ALMS1: variants seen among roughly 807,000 people sequenced by gnomAD.
ALMS1 encodes the protein ALMS1 centrosome and basal body associated protein.
In ALMS1, 271 loss-of-function variants were observed where a neutral mutation model predicts 352.2. The observed-to-expected ratio is 0.77, with a 90% CI of 0.70 to 0.85. The LOEUF is 0.85. Among genes scored for constraint, ALMS1 ranks in the 40% least tolerant of loss-of-function variants. The pLI is 0.00. For missense variants in ALMS1, 5,445 were observed against 4,870.7 expected (o/e 1.12, Z -3.51); for synonymous variants, 1,865 against 1,761.2 (o/e 1.06, Z -1.48).
intron 11 of ALMS1, among the ~76,000 whole-genome samples, chr2:73,530,691 A>C (rs1371815518): frequency 6.6e-6 from 1 of 152,224 alleles, no homozygotes; most frequent in African/African-American, 2.4e-5. Flanking sequence ...CCCTAGTAGA[A>C]GTTCTCCATG....
At chr2:73,505,639 T>C (rs1019112204) in intron 10 of ALMS1, among the ~76,000 whole-genome samples, 2 of 152,214 alleles carry the variant, frequency 1.3e-5, no homozygotes, top group African/African-American at 4.8e-5. Context: ...TCCTTGATTT[T>C]TGTTCTTTTG....
At chr2:73,568,175 A>G (rs967866669) in intron 15 of ALMS1, among the ~76,000 whole-genome samples, 9 of 152,192 alleles carry the variant, frequency 5.9e-5, no homozygotes, top group Non-Finnish European at 1.3e-4. Context: ...ACCTGTCACA[A>G]TAGCACAGAT....
chr2:73,597,466 ACC>A (rs1364581753), intron 16 of ALMS1, among the ~76,000 whole-genome samples: 1 of 152,174 alleles, frequency 6.6e-6, no homozygotes, highest in Non-Finnish European at 1.5e-5. Flanking sequence ...CTTTTTTAGT[ACC>A]TAACATGCTT....
chr2:73,608,422 T>C, intron 21 of ALMS1, 53 bp from the exon 22 acceptor site: 1 of 1,413,906 alleles, frequency 7.1e-7, no homozygotes. Context: ...CTCATGACTC[T>C]GCACCCTGGT....
At chr2:73,520,944 C>A (rs1673662507) in intron 11 of ALMS1, among the ~76,000 whole-genome samples, 1 of 152,058 alleles carries the variant, frequency 6.6e-6, no homozygotes, top group Non-Finnish European at 1.5e-5. Flanking sequence ...CTATTTTGGA[C>A]AAGTCTACTC....
chr2:73,386,458 C>T (rs1670536931), intron 1 of ALMS1, among the ~76,000 whole-genome samples: 1 of 152,168 alleles, frequency 6.6e-6, no homozygotes, highest in African/African-American at 2.4e-5. Context: ...CCTGCATTCC[C>T]CGTGAGAAAC....
intron 1 of ALMS1, among the ~76,000 whole-genome samples, chr2:73,400,050 A>G (rs1572899988): frequency 6.8e-6 from 1 of 147,506 alleles, no homozygotes; most frequent in Non-Finnish European, 1.5e-5. Flanking sequence ...CCGTCCTCCT[A>G]CTTCACCCTC....
intron 7 of ALMS1, among the ~76,000 whole-genome samples, chr2:73,447,478 A>G (rs2103769953): frequency 6.6e-6 from 1 of 152,168 alleles, no homozygotes; most frequent in East Asian, 1.9e-4. Flanking sequence ...CCTCTAGGCC[A>G]TATTGTACTG....
intron 1 of ALMS1, among the ~76,000 whole-genome samples, chr2:73,393,351 G>T (rs898402950): frequency 6.6e-6 from 1 of 151,596 alleles, no homozygotes; most frequent in Non-Finnish European, 1.5e-5. Context: ...TATGAAGAAA[G>T]GGTTCAAACT....
chr2:73,585,686 G>A (rs1029827038), intron 16 of ALMS1, among the ~76,000 whole-genome samples: 4 of 149,948 alleles, frequency 2.7e-5, no homozygotes, highest in Non-Finnish European at 5.9e-5. Flanking sequence ...AAGCCACCAC[G>A]CCTGGCCGAT....
rs757155174 is a variant in ALMS1, at chr2:73,602,306, T to A, written c.12236T>A (p.Leu4079Gln). 1.2e-6 allele frequency: 2 copies of A among 1,614,112 alleles called. No homozygotes were observed. Among genetic ancestry groups the A allele is most frequent in the African/African-American group, 2.7e-5 (2 of 74,944 alleles). ...QSMLQTERDA[L>Q]FNIDRERQGH... Reference sequence around the variant, plus strand: ...ATGTTACAGACCGAGCGGGATGCACTATTCAACATTGACAGGGAACGGCAG... The same window carrying A: ...ATGTTACAGACCGAGCGGGATGCACAATTCAACATTGACAGGGAACGGCAG... Residue 4079 changes from leucine (L) to glutamine (Q), a missense_variant, in exon 20 of 23, where the codon CTA becomes CAA. Physicochemically the swap from Leu to Gln is moderately radical, Grantham distance 113. Coordinates refer to ENST00000613296, the MANE Select transcript of ALMS1 (RefSeq NM_001378454.1).
intron 17 of ALMS1, 22 bp downstream of exon 17, chr2:73,599,543 T>G (rs1675627113): frequency 6.2e-7 from 1 of 1,610,880 alleles, no homozygotes; most frequent in African/African-American, 1.3e-5. Flanking sequence ...AATCTAAACT[T>G]TTTCATTGAA....
Position 73,455,150 on chromosome 2 carries a change from C to T in ALMS1, c.7541-12C>T, listed in dbSNP as rs746707263. On this transcript the variant is annotated splice_polypyrimidine_tract_variant and intron_variant, in intron 8 of 22. Transcript: ENST00000613296. ...TGCATTGTATTATCTCAAGTGTATG[C>T]TTTCTCTCCAGCCTGGAATATGAAG... 2 of 1,612,874 alleles carry T rather than the reference C, an allele frequency of 1.2e-6. No individual in the cohort carries two copies. The highest frequency in any genetic ancestry group is 1.7e-6 in the Non-Finnish European group (2 of 1,179,510).
At position 73,572,567 on chromosome 2, in the gene ALMS1, A is replaced by G. The variant is rs2104104739; in HGVS notation, c.10690A>G (p.Lys3564Glu). 1 of 1,613,886 alleles carries G rather than the reference A, an allele frequency of 6.2e-7. No homozygotes were observed. Among genetic ancestry groups the G allele is most frequent in the East Asian group, 2.2e-5 (1 of 44,864 alleles). The change falls in exon 16 of 23, where the codon AAA (lysine) becomes GAA (glutamate). Residue 3564 changes from lysine to glutamate, a missense_variant. Physicochemically the swap from Lys to Glu is moderately conservative, Grantham distance 56 (BLOSUM62 1). Coordinates refer to ENST00000613296, the MANE Select transcript of ALMS1 (RefSeq NM_001378454.1). ...LGNKEVMDTT[K>E]SQVRDYPKHN... ...AAACAAAGAAGTGATGGATACTACT[A>G]AAAGTCAAGTTAGAGATTATCCAAA... is the stretch of plus-strand genomic sequence containing the variant.
intron 16 of ALMS1, among the ~76,000 whole-genome samples, chr2:73,577,353 T>A (rs965955824): frequency 6.6e-6 from 1 of 152,222 alleles, no homozygotes; most frequent in Admixed American, 6.5e-5. Context: ...TTTTGTTTCT[T>A]CTTGAGTCAG....
chr2:73,449,452 T>TAG lies in ALMS1; in HGVS notation c.2929_2930dup (p.Ser978AsnfsTer3). 6.2e-7 allele frequency: 1 copy of TAG among 1,614,036 alleles called. No homozygotes were observed. On this transcript the variant is annotated frameshift_variant, in exon 8 of 23. Transcript: ENST00000613296. LOFTEE classifies it high-confidence loss of function. ...AAGAGTTGCCAGACAGTGATCTACCTAGAGAATCTCTGAAAATGTCTGCTA... is the reference window on the plus strand; with the variant it reads ...AAGAGTTGCCAGACAGTGATCTACCTAGAGAGAATCTCTGAAAATGTCTGCTA...
chr2:73,493,389 C>T (rs1673032621), intron 10 of ALMS1, among the ~76,000 whole-genome samples: 2 of 150,042 alleles, frequency 1.3e-5, no homozygotes, highest in African/African-American at 4.9e-5. Flanking sequence ...ATGCATAAAA[C>T]ATATATATAT....
At chr2:73,423,105 C>T (rs1671315766) in intron 4 of ALMS1, 131 bp downstream of exon 4, 1 of 792,718 alleles carries the variant, frequency 1.3e-6, no homozygotes, top group South Asian at 1.4e-5. Context: ...CTGAAGGTAA[C>T]AAAGTCCTGT....
At chr2:73,508,205 TTC>T (rs1435485553) in intron 10 of ALMS1, among the ~76,000 whole-genome samples, 17 of 129,734 alleles carry the variant, frequency 1.3e-4, no homozygotes, top group African/African-American at 4.4e-4. Context: ...TTTCTTCTTC[TTC>T]TTTTTTTTTT....
Sources: allele counts gnomAD v4.1 joint callset (sites outside exome capture counted in the v4.1 genomes callset), GRCh38; gene constraint gnomAD v4.1.1; transcripts MANE v1.5; gene names NCBI Gene and HGNC (gene_info 2026-07-23, HGNC 2026-07-21).